The following ATL2 variants were observed in gnomAD, a reference collection of about 807,000 sequenced individuals.
ATL2 encodes atlastin GTPase 2.
ATL2 carries 31 observed loss-of-function variants against 73.9 expected under a neutral mutation model. The observed-to-expected ratio is 0.42, with a 90% CI of 0.32 to 0.57. The LOEUF (loss-of-function observed/expected upper bound fraction) is 0.57, where lower values mean the gene tolerates loss of function less well. Among genes scored for constraint, ATL2 ranks in the 20% least tolerant of loss-of-function variants. ATL2 has a pLI of 0.14. For synonymous variants in ATL2, 291 were observed against 237.5 expected, an observed-to-expected ratio of 1.23 and a Z score of -2.07; for missense variants, 738 against 702.6, an observed-to-expected ratio of 1.05 and a Z score of -0.57.
chr2:38,349,408 T>C (rs1045826101), intron 1 of ATL2, among the ~76,000 whole-genome samples: 1 of 149,790 alleles, frequency 6.7e-6, no homozygotes, highest in Non-Finnish European at 1.5e-5. Context: ...TCATTCTCAG[T>C]AAACTATCGC....
intron 2 of ATL2, among the ~76,000 whole-genome samples, chr2:38,321,311 A>C (rs1668308830): frequency 2.6e-5 from 4 of 152,154 alleles, no homozygotes; most frequent in Admixed American, 1.3e-4. Flanking sequence ...ATCAATTACA[A>C]ACTTCTCTTG....
rs141584386 is a variant in ATL2 at position 38,377,239 on chromosome 2, C to G, written c.22G>C (p.Ala8Pro). The change falls in exon 1 of 13, where the codon GCG becomes CCG. Residue 8 changes from alanine (A) to proline (P), a missense_variant. Physicochemically the swap from Ala to Pro is conservative, Grantham distance 27. Coordinates refer to ENST00000378954, the MANE Select transcript of ATL2 (RefSeq NM_001135673.4). ...CCCTGGTGCGGTTGCTGCCCTCGCG[C>G]TGCCTCGTCCCCCTCCGCCATCTTG... is the stretch of plus-strand genomic sequence containing the variant. MAEGDEA[A>P]RGQQPHQGLW... 1 of 1,596,792 alleles carries G rather than the reference C, an allele frequency of 6.3e-7. No homozygotes were observed. Among genetic ancestry groups the G allele is most frequent in the Non-Finnish European group, 8.5e-7 (1 of 1,172,420 alleles).
rs1442040397 is a variant in ATL2 at position 38,362,140 on chromosome 2, TAAG to T, written c.118+15000_118+15002del. ...TGAGTAAAAAACTACAAGCGCAGAA[TAAG>T]AATAGGTTTAAAGGGCTTGTTTTTG... On this transcript the variant is annotated intron_variant, in intron 1 of 12. Transcript: ENST00000378954. 7.9e-5 allele frequency among the ~76,000 whole-genome samples: 12 copies of T among 152,218 alleles called. No homozygotes were observed. The South Asian group carries it at 2.3e-3, about 29-fold the overall frequency.
chr2:38,314,505 A>T (rs1340910954), intron 6 of ATL2, 103 bp downstream of exon 6: 2 of 721,174 alleles, frequency 2.8e-6, no homozygotes, highest in Admixed American at 2.5e-5. Context: ...TGTTGCTAGC[A>T]ATGAGTCTAT....
At chr2:38,322,805 A>G (rs956044954) in intron 2 of ATL2, among the ~76,000 whole-genome samples, 1 of 152,268 alleles carries the variant, frequency 6.6e-6, no homozygotes, top group African/African-American at 2.4e-5. Flanking sequence ...CTTGAGCCCA[A>G]AAGTTCAAGG....
chr2:38,313,283 A>G, intron 6 of ATL2, 40 bp from the exon 7 acceptor site: 1 of 1,465,888 alleles, frequency 6.8e-7, no homozygotes, highest in South Asian at 1.2e-5. Context: ...TTTTACAATA[A>G]AGAAAATTTA....
At chr2:38,356,052 T>G (rs1315350761) in intron 1 of ATL2, among the ~76,000 whole-genome samples, 2 of 151,810 alleles carry the variant, frequency 1.3e-5, no homozygotes, top group Non-Finnish European at 2.9e-5. Context: ...AACAAAAAAT[T>G]ACTATTAAGA....
chr2:38,362,134 G>A (rs774678544), intron 1 of ATL2, among the ~76,000 whole-genome samples: 17 of 152,162 alleles, frequency 1.1e-4, no homozygotes, highest in Middle Eastern at 3.4e-3. Context: ...AACTACAAGC[G>A]CAGAATAAGA....
intron 2 of ATL2, among the ~76,000 whole-genome samples, chr2:38,327,103 G>C (rs946408591): frequency 1.3e-5 from 2 of 151,804 alleles, no homozygotes; most frequent in Non-Finnish European, 2.9e-5. Context: ...ATCCAGTAAA[G>C]TTATCCTACA....
chr2:38,310,461 G>C lies in ATL2; in HGVS notation c.805-14C>G. 6.3e-7 allele frequency: 1 copy of C among 1,577,988 alleles called. No individual in the cohort carries two copies. The highest frequency in any genetic ancestry group is 8.6e-7 in the Non-Finnish European group (1 of 1,166,028). On this transcript the variant is annotated splice_polypyrimidine_tract_variant and intron_variant, in intron 7 of 12. Transcript: ENST00000378954. ...ATTTTGTTTTACCTGAGGGCGGAGA[G>C]AGACAGGTGAAATTGTAAACAGAAG... is the stretch of plus-strand genomic sequence containing the variant.
chr2:38,301,597 G>C (rs1480233977), intron 9 of ATL2, among the ~76,000 whole-genome samples: 1 of 152,168 alleles, frequency 6.6e-6, no homozygotes, highest in Non-Finnish European at 1.5e-5. Flanking sequence ...AGTGACTGTG[G>C]AATTTTTGCA....
intron 2 of ATL2, among the ~76,000 whole-genome samples, chr2:38,331,957 T>A (rs1169479838): frequency 1.3e-5 from 2 of 152,134 alleles, no homozygotes; most frequent in East Asian, 3.8e-4. Flanking sequence ...ATGGATAAAG[T>A]GTGGTATATC....
At position 38,302,320 on chromosome 2, in the gene ATL2, G is replaced by A. The variant is rs1295652641; in HGVS notation, c.1072-1992C>T. On this transcript the variant is annotated intron_variant, in intron 9 of 12. Coordinates refer to ENST00000378954, the MANE Select transcript of ATL2 (RefSeq NM_001135673.4). ...TGAGTAAAGGAGACAAAGGCCAGGT[G>A]TGATGGCTCACACCTGTAATCCCAG... 2.9e-5 allele frequency among the ~76,000 whole-genome samples: 4 copies of A among 136,080 alleles called. No homozygotes were observed. In the South Asian group the frequency reaches 6.2e-4, roughly 21 times the overall value. The allele number at this position is 136,080 out of a possible 152,430, so 89.3% of individuals were successfully genotyped here. A position where few individuals can be genotyped will look rare whatever the true frequency, so the allele number is the denominator to read the frequency against.
At chr2:38,364,118 C>A (rs1361769208) in intron 1 of ATL2, among the ~76,000 whole-genome samples, 1 of 152,016 alleles carries the variant, frequency 6.6e-6, no homozygotes, top group Non-Finnish European at 1.5e-5. Context: ...AAAAATTACC[C>A]GGGCGTGGTG....
intron 2 of ATL2, among the ~76,000 whole-genome samples, chr2:38,335,679 A>G (rs1296140237): frequency 6.6e-6 from 1 of 152,116 alleles, no homozygotes; most frequent in Non-Finnish European, 1.5e-5. Context: ...TATAACATAT[A>G]TATATATAAA....
intron 2 of ATL2, among the ~76,000 whole-genome samples, chr2:38,341,530 T>C (rs150744635): frequency 6.6e-6 from 1 of 152,144 alleles, no homozygotes; most frequent in Non-Finnish European, 1.5e-5. Flanking sequence ...GCCAGCTACT[T>C]GGGAGGCTGA....
intron 2 of ATL2, among the ~76,000 whole-genome samples, chr2:38,330,310 G>A (rs984173947): frequency 6.6e-6 from 1 of 151,214 alleles, no homozygotes; most frequent in African/African-American, 2.4e-5. Flanking sequence ...ACATAGTAGT[G>A]AGAAACTAGG....
rs755395855 is a variant in ATL2 at position 38,377,238 on chromosome 2, G to A, written c.23C>T (p.Ala8Val). The stretch of plus-strand genomic sequence containing the variant: ...CCCCTGGTGCGGTTGCTGCCCTCGC[G>A]CTGCCTCGTCCCCCTCCGCCATCTT... MAEGDEA[A>V]RGQQPHQGLW... The change falls in exon 1 of 13, where the codon GCG becomes GTG. Residue 8 changes from alanine (A) to valine (V), a missense_variant. Transcript: ENST00000378954. 1.1e-5 allele frequency: 18 copies of A among 1,597,316 alleles called. No homozygotes were observed. Among genetic ancestry groups the A allele is most frequent in the Admixed American group, 1.7e-5 (1 of 57,698 alleles).
chr2:38,355,920 C>T (rs1670635876), intron 1 of ATL2, among the ~76,000 whole-genome samples: 1 of 151,792 alleles, frequency 6.6e-6, no homozygotes, highest in Non-Finnish European at 1.5e-5. Flanking sequence ...GTCTTGAACT[C>T]CTGACCTCAA....
Sources: allele counts gnomAD v4.1 joint callset (sites outside exome capture counted in the v4.1 genomes callset), GRCh38; gene constraint gnomAD v4.1.1; transcripts MANE v1.5; gene names NCBI Gene and HGNC (gene_info 2026-07-23, HGNC 2026-07-21).